PCDHGA10: variants seen among roughly 807,000 people sequenced by gnomAD.
PCDHGA10 encodes the protein protocadherin gamma subfamily A, 10, also known as protocadherin gamma-A10.
Under a neutral mutation model 59.5 loss-of-function variants are expected in PCDHGA10, and 42 were observed. That is an observed-to-expected ratio of 0.71 (90% CI 0.55 to 0.91). The LOEUF (loss-of-function observed/expected upper bound fraction) is 0.91, where lower values mean the gene tolerates loss of function less well. Among genes scored for constraint, PCDHGA10 ranks in the 40% least tolerant of loss-of-function variants. The probability of loss-of-function intolerance (pLI) is 0.00; values close to 1 mark genes in which losing one functional copy is unlikely to be tolerated. For synonymous variants in PCDHGA10, 511 were observed against 517.2 expected (o/e 0.99, Z 0.16); for missense variants, 1,111 against 1,198.2 (o/e 0.93, Z 1.07).
chr5:141,505,596 T>G (rs2099846990), intron 3 of PCDHGA10, 115 bp downstream of exon 3: 1 of 1,562,168 alleles, frequency 6.4e-7, no homozygotes, highest in African/African-American at 1.4e-5. Context: ...CTCCAGATCT[T>G]TCGGCAGGTC....
rs532830928 is a variant in PCDHGA10 at position 141,473,487 on chromosome 5, A to G, written c.2437-21320A>G. Reference sequence around the variant, plus strand: ...TTGTGCCAAGTTCAATGGAAAAAATATAAGGTGTTCTGAGAGAGCATAACA... The same window carrying G: ...TTGTGCCAAGTTCAATGGAAAAAATGTAAGGTGTTCTGAGAGAGCATAACA... On this transcript the variant is annotated intron_variant, in intron 1 of 3. Coordinates refer to ENST00000398610, the MANE Select transcript of PCDHGA10 (RefSeq NM_018913.3). 2.0e-3 allele frequency among the ~76,000 whole-genome samples: 310 copies of G among 152,242 alleles called. 5 individuals carry two copies. The South Asian group carries it at 0.052, about 25-fold the overall frequency.
chr5:141,477,438 C>G lies in PCDHGA10; in HGVS notation c.2437-17369C>G. 6.2e-7 allele frequency: 1 copy of G among 1,614,174 alleles called. No homozygotes were observed. Among genetic ancestry groups the G allele is most frequent in the Non-Finnish European group, 8.5e-7 (1 of 1,180,030 alleles). On this transcript the variant is annotated intron_variant, in intron 1 of 3. Coordinates refer to ENST00000398610, the MANE Select transcript of PCDHGA10 (RefSeq NM_018913.3). The surrounding 1 kb of genome is among the most constrained non-coding windows in gnomAD (Gnocchi z 4.9). ...GGAACCCCTTCCCTCTCAGCCCTTACAATAGTGCGTGTTCAAGTGTCCGAC... is the reference window on the plus strand; with the variant it reads ...GGAACCCCTTCCCTCTCAGCCCTTAGAATAGTGCGTGTTCAAGTGTCCGAC...
At position 141,414,722 on chromosome 5, in the gene PCDHGA10, G is replaced by T; in HGVS notation, c.1547G>T (p.Gly516Val). 6.2e-7 allele frequency: 1 copy of T among 1,614,128 alleles called. No homozygotes were observed. The highest frequency in any genetic ancestry group is 1.1e-5 in the South Asian group (1 of 91,084). The change falls in exon 1 of 4, where the codon GGC becomes GTC. Residue 516 changes from glycine to valine, a missense_variant. By Grantham distance (109) the Gly-to-Val change is moderately radical. Coordinates refer to ENST00000398610, the MANE Select transcript of PCDHGA10 (RefSeq NM_018913.3). Reference sequence around the variant, plus strand: ...TACATATCCATCAACTCAGACACTGGCGTCCTGTATGCACTCAGATCCTTC... The same window carrying T: ...TACATATCCATCAACTCAGACACTGTCGTCCTGTATGCACTCAGATCCTTC... ...SSYISINSDTGVLYALRSFDY... is the reference protein window; with the variant it reads ...SSYISINSDTVVLYALRSFDY...
Position 141,432,465 on chromosome 5 carries a change from C to G in PCDHGA10, c.2436+16854C>G. ...GAGATCCTGTACCCCGCCCTCCCCACGGACGGTTCCACTGGCGTGGAGCTG... is the reference window on the plus strand; with the variant it reads ...GAGATCCTGTACCCCGCCCTCCCCAGGGACGGTTCCACTGGCGTGGAGCTG... On this transcript the variant is annotated intron_variant, in intron 1 of 3. Transcript: ENST00000398610. The surrounding 1 kb of genome is among the most constrained non-coding windows in gnomAD (Gnocchi z 6.0). The G allele has an allele frequency of 6.2e-7, 1 of 1,614,222 alleles. No individual in the cohort carries two copies. Among genetic ancestry groups the G allele is most frequent in the Non-Finnish European group, 8.5e-7 (1 of 1,180,050 alleles).
rs887814386 is a variant in PCDHGA10, at chr5:141,431,347, G to A, written c.2436+15736G>A. The A allele has an allele frequency of 1.9e-6, 3 of 1,614,098 alleles. No individual in the cohort carries two copies. The highest frequency in any genetic ancestry group is 2.5e-6 in the Non-Finnish European group (3 of 1,180,036). On this transcript the variant is annotated intron_variant, in intron 1 of 3. Coordinates refer to ENST00000398610, the MANE Select transcript of PCDHGA10 (RefSeq NM_018913.3). This position sits in a 1 kb window ranked among gnomAD's most constrained non-coding sequence, Gnocchi z 4.8. ...GTAGTAAGTACCCCGAATTGGTGCT[G>A]AAACGCGCCCTGGACCGCGAAGAAA...
At chr5:141,496,617 A>G (rs2099769939) in intron 2 of PCDHGA10, among the ~76,000 whole-genome samples, 2 of 152,236 alleles carry the variant, frequency 1.3e-5, no homozygotes, top group Admixed American at 1.3e-4. Flanking sequence ...AAAAAGCAGC[A>G]GATCAAAAGG....
At chr5:141,479,862 C>T (rs2099508997) in intron 1 of PCDHGA10, among the ~76,000 whole-genome samples, 1 of 152,170 alleles carries the variant, frequency 6.6e-6, no homozygotes, top group Non-Finnish European at 1.5e-5. Flanking sequence ...GGCCTTTGCC[C>T]TGGAGAGAAC....
Position 141,491,713 on chromosome 5 carries a change from G to A in PCDHGA10, c.2437-3094G>A. On this transcript the variant is annotated intron_variant, in intron 1 of 3. Transcript: ENST00000398610. This position sits in a 1 kb window ranked among gnomAD's most constrained non-coding sequence, Gnocchi z 6.9. ...GGAGCGGAGCCAGGTGAGGGGCTCG[G>A]CGCCGCCCCGGGCGACCCCTGGGGG... The A allele has an allele frequency of 1.9e-6, 3 of 1,609,174 alleles. No individual in the cohort carries two copies. Among genetic ancestry groups the A allele is most frequent in the Non-Finnish European group, 2.5e-6 (3 of 1,178,054 alleles).
intron 1 of PCDHGA10, chr5:141,442,380 T>G (rs1235241143): frequency 2.6e-5 from 4 of 152,244 alleles, no homozygotes; most frequent in Non-Finnish European, 4.4e-5. Flanking sequence ...TCCTACCAGG[T>G]GTGTGCTTCT....
chr5:141,490,098 T>C lies in PCDHGA10; in HGVS notation c.2437-4709T>C, dbSNP rs774132407. On this transcript the variant is annotated intron_variant, in intron 1 of 3. Transcript: ENST00000398610. The surrounding 1 kb of genome is among the most constrained non-coding windows in gnomAD (Gnocchi z 5.4). ...ACTATTCTTTTGGAGACCACACATCTGAGGCAGTGCGGAACCTCTTTGGCC... is the reference window on the plus strand; with the variant it reads ...ACTATTCTTTTGGAGACCACACATCCGAGGCAGTGCGGAACCTCTTTGGCC... The C allele has an allele frequency of 6.2e-7, 1 of 1,614,260 alleles. No homozygotes were observed. The highest frequency in any genetic ancestry group is 8.5e-7 in the Non-Finnish European group (1 of 1,180,038).
chr5:141,467,233 A>G (rs1009794220), intron 1 of PCDHGA10, among the ~76,000 whole-genome samples: 1 of 151,564 alleles, frequency 6.6e-6, no homozygotes, highest in South Asian at 2.1e-4. Flanking sequence ...TTGTATTTTT[A>G]GTAGAGATGG....
At chr5:141,420,537 T>C (rs1246315357) in intron 1 of PCDHGA10, 2 of 317,450 alleles carry the variant, frequency 6.3e-6, no homozygotes, top group Non-Finnish European at 1.1e-5. Context: ...GTTAAAAATA[T>C]AAAATACAGG....
intron 1 of PCDHGA10, among the ~76,000 whole-genome samples, chr5:141,464,221 C>T (rs570804761): frequency 2.9e-4 from 44 of 149,624 alleles, no homozygotes; most frequent in African/African-American, 9.6e-4. Flanking sequence ...GCTGAGATTG[C>T]GCCACTGCAC....
intron 2 of PCDHGA10, among the ~76,000 whole-genome samples, chr5:141,496,492 C>A (rs2099769172): frequency 6.6e-6 from 1 of 152,186 alleles, no homozygotes; most frequent in Non-Finnish European, 1.5e-5. Context: ...CCAACCAAAC[C>A]CTTGTTGCCA....
At chr5:141,430,680 C>T (rs990086941) in intron 1 of PCDHGA10, 1 of 1,343,242 alleles carries the variant, frequency 7.4e-7, no homozygotes, top group Non-Finnish European at 1.0e-6. Flanking sequence ...TCCCAACTGT[C>T]CCATTCTATG....
chr5:141,474,153 A>G (rs1424442765), intron 1 of PCDHGA10, among the ~76,000 whole-genome samples: 3 of 152,254 alleles, frequency 2.0e-5, no homozygotes, highest in Non-Finnish European at 4.4e-5. Flanking sequence ...TATCAAGAAA[A>G]TGACAGGCCT....
chr5:141,447,119 A>AT (rs2098526425), intron 1 of PCDHGA10, among the ~76,000 whole-genome samples: 1 of 150,848 alleles, frequency 6.6e-6, no homozygotes, highest in South Asian at 2.1e-4. Flanking sequence ...TGCTCCATGG[A>AT]TTTTTTTGTT....
chr5:141,464,402 G>GAT (rs1039725208), intron 1 of PCDHGA10, among the ~76,000 whole-genome samples: 22 of 150,720 alleles, frequency 1.5e-4, no homozygotes, highest in Admixed American at 7.3e-4. Context: ...AAGAACCTGA[G>GAT]ATATATATAT....
Position 141,477,797 on chromosome 5 carries a change from A to G in PCDHGA10, c.2437-17010A>G. ...CGTGAACATATTTGTCACTGATCGC[A>G]ATGACAATGCCCCCCAGGTCCTATA... On this transcript the variant is annotated intron_variant, in intron 1 of 3. Coordinates refer to ENST00000398610, the MANE Select transcript of PCDHGA10 (RefSeq NM_018913.3). This position sits in a 1 kb window ranked among gnomAD's most constrained non-coding sequence, Gnocchi z 4.9. 1.2e-6 allele frequency: 2 copies of G among 1,614,082 alleles called. No individual in the cohort carries two copies. Among genetic ancestry groups the G allele is most frequent in the Non-Finnish European group, 1.7e-6 (2 of 1,180,032 alleles).
Sources: allele counts gnomAD v4.1 joint callset (sites outside exome capture counted in the v4.1 genomes callset), GRCh38; gene constraint gnomAD v4.1.1; non-coding constraint Gnocchi (gnomAD v3.1); transcripts MANE v1.5; gene names NCBI Gene and HGNC (gene_info 2026-07-23, HGNC 2026-07-21).